The following BTRC variants were observed in gnomAD, a reference collection of about 807,000 sequenced individuals.
BTRC encodes F-box/WD repeat-containing protein 1A.
BTRC carries 42 observed loss-of-function variants against 85.5 expected under a neutral mutation model. That is an observed-to-expected ratio of 0.49 (90% confidence interval 0.38 to 0.64). BTRC has a LOEUF of 0.64. BTRC is among the 30% of genes least tolerant of loss of function. BTRC has a pLI of 0.00. For synonymous variants in BTRC, 255 were observed against 263.3 expected (o/e 0.97, Z 0.30); for missense variants, 594 against 743.5 (o/e 0.80, Z 2.34).
chr10:101,428,319 T>C (rs1214889507), intron 1 of BTRC, among the ~76,000 whole-genome samples: 2 of 152,208 alleles, frequency 1.3e-5, no homozygotes, highest in African/African-American at 4.8e-5. Flanking sequence ...TGCTTGGATT[T>C]CATACAGTAG....
chr10:101,406,823 C>A (rs1461282852), intron 1 of BTRC, among the ~76,000 whole-genome samples: 2 of 152,080 alleles, frequency 1.3e-5, no homozygotes, highest in Non-Finnish European at 2.9e-5. Flanking sequence ...CGTGAGCCAC[C>A]GTGCCCGGCC....
chr10:101,520,739 T>C (rs2062092325), intron 4 of BTRC, among the ~76,000 whole-genome samples: 1 of 152,076 alleles, frequency 6.6e-6, no homozygotes, highest in Non-Finnish European at 1.5e-5. Context: ...GGGCAGATCA[T>C]TTGATGTCAG....
chr10:101,419,475 G>T (rs375292185), intron 1 of BTRC, among the ~76,000 whole-genome samples: 23 of 152,244 alleles, frequency 1.5e-4, no homozygotes, highest in South Asian at 6.2e-4. Context: ...ATTGTTGTTG[G>T]TGGTGGTGGA....
intron 3 of BTRC, among the ~76,000 whole-genome samples, chr10:101,471,700 G>C (rs1174142057): frequency 6.6e-6 from 1 of 151,972 alleles, no homozygotes; most frequent in Non-Finnish European, 1.5e-5. Context: ...CAAACCACTT[G>C]GGCCTGTAGT....
chr10:101,371,106 A>G (rs1054905949), intron 1 of BTRC, among the ~76,000 whole-genome samples: 1 of 151,970 alleles, frequency 6.6e-6, no homozygotes, highest in Admixed American at 6.6e-5. Context: ...CTGAAACTCT[A>G]TACCCATTAG....
intron 4 of BTRC, among the ~76,000 whole-genome samples, chr10:101,505,709 G>A (rs1451301240): frequency 1.3e-5 from 2 of 151,682 alleles, no homozygotes; most frequent in Non-Finnish European, 2.9e-5. Flanking sequence ...TTGAAATTAT[G>A]GGCAATTTCC....
chr10:101,453,010 T>C (rs905758375), intron 2 of BTRC, among the ~76,000 whole-genome samples: 2 of 152,052 alleles, frequency 1.3e-5, no homozygotes, highest in Non-Finnish European at 2.9e-5. Context: ...CACACAGTGT[T>C]TTTTTTTAAT....
chr10:101,367,024 T>TATTAATA (rs1379919682), intron 1 of BTRC, among the ~76,000 whole-genome samples: 1 of 61,748 alleles, frequency 1.6e-5, no homozygotes, highest in African/African-American at 5.2e-5. Flanking sequence ...ATATTTATAT[T>TATTAATA]TATATATTTA....
intron 4 of BTRC, among the ~76,000 whole-genome samples, chr10:101,498,876 C>G (rs981246675): frequency 6.6e-6 from 1 of 151,914 alleles, no homozygotes; most frequent in African/African-American, 2.4e-5. Flanking sequence ...GCCTGTAATC[C>G]CAGCTACTCA....
intron 1 of BTRC, among the ~76,000 whole-genome samples, chr10:101,358,652 G>A (rs1026519457): frequency 1.3e-5 from 2 of 152,138 alleles, no homozygotes; most frequent in South Asian, 2.1e-4. Context: ...ATTGGCTGAG[G>A]TGTGGGAAAG....
Position 101,358,402 on chromosome 10 carries a change from CACGTT to C in BTRC, c.48+4175_48+4179del, listed in dbSNP as rs553212030. ...ACAGGCGTGAGCCACCTTGCCAAGC[CACGTT>C]TATTTTTAAAAACAGGATAAATATA... is the stretch of plus-strand genomic sequence containing the variant. On this transcript the variant is annotated intron_variant, in intron 1 of 14. Coordinates refer to ENST00000370187, the MANE Select transcript of BTRC (RefSeq NM_033637.4). Among the ~76,000 whole-genome samples the C allele has an allele frequency of 1.4e-4, 22 of 152,262 alleles. No homozygotes were observed. In the South Asian group the frequency reaches 4.6e-3, roughly 32 times the overall value.
At chr10:101,430,937 T>C (rs1299271677) in intron 2 of BTRC, among the ~76,000 whole-genome samples, 1 of 152,090 alleles carries the variant, frequency 6.6e-6, no homozygotes, top group East Asian at 1.9e-4. Flanking sequence ...TTATAACTGT[T>C]TTATTTATAT....
chr10:101,386,337 C>T (rs1219811656), intron 1 of BTRC, among the ~76,000 whole-genome samples: 1 of 152,200 alleles, frequency 6.6e-6, no homozygotes, highest in Non-Finnish European at 1.5e-5. Context: ...CAAGGTCAGC[C>T]TTAAACATTG....
rs553622453 is a variant in BTRC, at chr10:101,393,327, A to C, written c.49-37018A>C. On this transcript the variant is annotated intron_variant, in intron 1 of 14. Coordinates refer to ENST00000370187, the MANE Select transcript of BTRC (RefSeq NM_033637.4). ...TTCCCTCAGTTCTGTGAGCCACTTC[A>C]GCAAATTAATTGAACCCACAGAGGG... is the stretch of plus-strand genomic sequence containing the variant. 4.6e-5 allele frequency among the ~76,000 whole-genome samples: 7 copies of C among 152,282 alleles called. No homozygotes were observed. In the South Asian group the frequency reaches 1.0e-3, roughly 23 times the overall value.
At chr10:101,474,226 T>C (rs1171735540) in intron 3 of BTRC, among the ~76,000 whole-genome samples, 1 of 152,198 alleles carries the variant, frequency 6.6e-6, no homozygotes, top group Admixed American at 6.5e-5. Flanking sequence ...TCTGAATTCA[T>C]TTTTTCTTCC....
chr10:101,441,899 A>AT (rs1944690976), intron 2 of BTRC, among the ~76,000 whole-genome samples: 1 of 151,610 alleles, frequency 6.6e-6, no homozygotes, highest in African/African-American at 2.4e-5. Context: ...AAAAAAAAAA[A>AT]AGTGTAATAA....
intron 1 of BTRC, among the ~76,000 whole-genome samples, chr10:101,369,219 A>ATT (rs960978960): frequency 7.0e-6 from 1 of 143,072 alleles, no homozygotes; most frequent in Admixed American, 7.0e-5. Context: ...GAGTATTATT[A>ATT]TTTTTTTTTT....
At chr10:101,389,369 T>A (rs1380729880) in intron 1 of BTRC, among the ~76,000 whole-genome samples, 1 of 151,954 alleles carries the variant, frequency 6.6e-6, no homozygotes, top group Non-Finnish European at 1.5e-5. Flanking sequence ...TATGGAAAAG[T>A]TTAACAGTTT....
At chr10:101,478,041 T>C (rs1181643491) in intron 3 of BTRC, among the ~76,000 whole-genome samples, 1 of 152,168 alleles carries the variant, frequency 6.6e-6, no homozygotes, top group East Asian at 1.9e-4. Context: ...TGCTCTTGCC[T>C]GTAATCCCAG....
Sources: gnomAD v4.1 joint callset for allele counts (sites outside exome capture counted in the v4.1 genomes callset) on GRCh38, gnomAD v4.1.1 for gene constraint, MANE v1.5 for transcripts, NCBI Gene and HGNC (gene_info 2026-07-23, HGNC 2026-07-21) for gene names.